The following ANKDD1B variants were observed in gnomAD, a reference collection of about 807,000 sequenced individuals.
The protein encoded by ANKDD1B is ankyrin repeat and death domain-containing protein 1B.
ANKDD1B carries 57 observed loss-of-function variants against 59.7 expected under a neutral mutation model. The observed-to-expected ratio is 0.95, with a 90% CI of 0.77 to 1.19. The LOEUF is 1.19. ANKDD1B is among the 50% of genes most tolerant of loss of function. The probability of loss-of-function intolerance (pLI) is 0.00; values close to 1 mark genes in which losing one functional copy is unlikely to be tolerated. For missense variants in ANKDD1B, 602 were observed against 641.9 expected (o/e 0.94, Z 0.67); for synonymous variants, 216 against 239.5 (o/e 0.90, Z 0.91).
chr5:75,667,686 A>G (rs1579983435), intron 12 of ANKDD1B, among the ~76,000 whole-genome samples: 1 of 152,234 alleles, frequency 6.6e-6, no homozygotes, highest in Non-Finnish European at 1.5e-5. Context: ...TAGAAAGTTT[A>G]CTTGGCATTA....
intron 1 of ANKDD1B, among the ~76,000 whole-genome samples, chr5:75,612,226 G>T (rs1773581257): frequency 6.6e-6 from 1 of 151,596 alleles, no homozygotes; most frequent in African/African-American, 2.4e-5. Context: ...AAAGCATGGA[G>T]TGGATCATCT....
chr5:75,661,414 A>AAAAAAAAAGAAAG (rs1561450240), intron 10 of ANKDD1B, among the ~76,000 whole-genome samples: 11 of 131,476 alleles, frequency 8.4e-5, no homozygotes, highest in African/African-American at 3.1e-4. Flanking sequence ...AAAAAAAAAA[A>AAAAAAAAAGAAAG]AAAAAAAAAA....
intron 3 of ANKDD1B, among the ~76,000 whole-genome samples, chr5:75,623,450 G>C (rs767674356): frequency 1.3e-5 from 2 of 152,104 alleles, no homozygotes; most frequent in Non-Finnish European, 2.9e-5. Context: ...AGGTGGAATT[G>C]TGTTTAGGGA....
At chr5:75,614,566 G>A (rs1394691294) in intron 1 of ANKDD1B, among the ~76,000 whole-genome samples, 1 of 152,170 alleles carries the variant, frequency 6.6e-6, no homozygotes, top group African/African-American at 2.4e-5. Flanking sequence ...CCACCATCTT[G>A]TAACCCCTTC....
intron 8 of ANKDD1B, 36 bp downstream of exon 8, chr5:75,653,276 G>A (rs1774877515): frequency 6.8e-7 from 1 of 1,465,948 alleles, no homozygotes; most frequent in Non-Finnish European, 9.2e-7. Context: ...TTTGGTCCTG[G>A]CGCCGTGAGG....
intron 5 of ANKDD1B, chr5:75,634,634 C>A (rs1774251074): frequency 1.6e-5 from 5 of 317,046 alleles, no homozygotes; most frequent in Non-Finnish European, 3.0e-5. Flanking sequence ...TGTTGCACCT[C>A]TCCTGATGCT....
At chr5:75,658,953 C>T (rs1458153568) in intron 9 of ANKDD1B, among the ~76,000 whole-genome samples, 1 of 152,178 alleles carries the variant, frequency 6.6e-6, no homozygotes, top group Non-Finnish European at 1.5e-5. Flanking sequence ...TTCCCTCCTC[C>T]AGCTCCTGGG....
At chr5:75,631,537 T>C (rs950009028) in intron 5 of ANKDD1B, among the ~76,000 whole-genome samples, 1 of 152,164 alleles carries the variant, frequency 6.6e-6, no homozygotes, top group Non-Finnish European at 1.5e-5. Flanking sequence ...CCTAAGGAGT[T>C]ATTCAGGAGA....
chr5:75,612,540 A>T (rs1773598810), intron 1 of ANKDD1B, among the ~76,000 whole-genome samples: 1 of 151,868 alleles, frequency 6.6e-6, no homozygotes, highest in South Asian at 2.1e-4. Context: ...TGGAAGCTAT[A>T]CACCAATTCA....
chr5:75,652,550 T>A (rs1287799771), intron 7 of ANKDD1B, among the ~76,000 whole-genome samples: 2 of 152,114 alleles, frequency 1.3e-5, no homozygotes. Flanking sequence ...CAAACCATCC[T>A]CCCACCTCAG....
intron 1 of ANKDD1B, among the ~76,000 whole-genome samples, chr5:75,615,315 G>A (rs1313752476): frequency 1.3e-5 from 2 of 152,196 alleles, no homozygotes; most frequent in African/African-American, 4.8e-5. Flanking sequence ...GCTAAGGTCA[G>A]ATCTGGGGAA....
intron 7 of ANKDD1B, among the ~76,000 whole-genome samples, chr5:75,636,564 C>A (rs1774309905): frequency 1.3e-5 from 2 of 152,076 alleles, no homozygotes; most frequent in African/African-American, 4.8e-5. Flanking sequence ...GGGTTTTAAG[C>A]AGTGAAAAGG....
chr5:75,663,720 C>A (rs1245783830), intron 11 of ANKDD1B, among the ~76,000 whole-genome samples: 1 of 152,254 alleles, frequency 6.6e-6, no homozygotes, highest in Non-Finnish European at 1.5e-5. Flanking sequence ...TTCACTAGGG[C>A]CAAGCGGCAT....
chr5:75,667,922 T>C (rs573860790), intron 12 of ANKDD1B, among the ~76,000 whole-genome samples: 1 of 152,306 alleles, frequency 6.6e-6, no homozygotes, highest in South Asian at 2.1e-4. Flanking sequence ...TATTGCACAT[T>C]CTTAGGATAC....
At chr5:75,632,588 C>A (rs1319155739) in intron 5 of ANKDD1B, among the ~76,000 whole-genome samples, 1 of 152,208 alleles carries the variant, frequency 6.6e-6, no homozygotes, top group East Asian at 1.9e-4. Flanking sequence ...AACAGCTCCA[C>A]AAAATGAGCC....
Position 75,635,862 on chromosome 5 carries a change from G to C in ANKDD1B, c.778G>C (p.Asp260His), listed in dbSNP as rs1372485663. 8 of 1,532,126 alleles carry C rather than the reference G, an allele frequency of 5.2e-6. No homozygotes were observed. The highest frequency in any genetic ancestry group is 1.7e-6 in the Non-Finnish European group (2 of 1,143,944). The allele number at this position is 1,532,126 out of a possible 1,614,324, so 94.9% of individuals were successfully genotyped here. A position where few individuals can be genotyped will look rare whatever the true frequency, so the allele number is the denominator to read the frequency against. ...AVQVLLAQWQ[D>H]INEMNELNIS... ...GCAGGTGCTGCTAGCCCAGTGGCAA[G>C]ACATAAATGAGATGAATGAGGTATG... Residue 260 changes from aspartate to histidine, a missense_variant, in exon 7 of 14, where the codon GAC becomes CAC. This residue lies in a region of ANKDD1B where 5 missense variants were observed against 17.5 expected (regional missense o/e 0.29). Transcript: ENST00000601380.
At chr5:75,637,484 G>C (rs1392838817) in intron 7 of ANKDD1B, among the ~76,000 whole-genome samples, 1 of 151,986 alleles carries the variant, frequency 6.6e-6, no homozygotes, top group Non-Finnish European at 1.5e-5. Flanking sequence ...TGCCTCTCCT[G>C]AGAGCTACGG....
At chr5:75,665,734 C>A (rs928624282) in intron 11 of ANKDD1B, among the ~76,000 whole-genome samples, 10 of 152,224 alleles carry the variant, frequency 6.6e-5, no homozygotes, top group African/African-American at 2.4e-4. Flanking sequence ...CCTTGTCGAG[C>A]TTCCTGGAGG....
Position 75,616,893 on chromosome 5 carries a change from A to C in ANKDD1B, c.283A>C (p.Asn95His). ...EKLFEKKVNI[N>H]VVNNMNRTAL... ...GCTGTTTGAAAAGAAGGTTAACATT[A>C]ATGTTGTGAACAATGTGAGTAGAAG... The change falls in exon 2 of 14, where the codon AAT becomes CAT. Residue 95 changes from asparagine (N) to histidine (H), a missense_variant. Coordinates refer to ENST00000601380, the MANE Select transcript of ANKDD1B (RefSeq NM_001276713.2). 1 of 1,509,576 alleles carries C rather than the reference A, an allele frequency of 6.6e-7. No homozygotes were observed. Among genetic ancestry groups the C allele is most frequent in the Non-Finnish European group, 8.9e-7 (1 of 1,123,288 alleles). 93.5% of individuals were successfully genotyped at this position (1,509,576 alleles called of 1,614,324 possible).
Sources: gnomAD v4.1 joint callset for allele counts (sites outside exome capture counted in the v4.1 genomes callset) on GRCh38, gnomAD v4.1.1 for gene constraint, gnomAD v4.1.1 regional missense constraint, MANE v1.5 for transcripts, NCBI Gene and HGNC (gene_info 2026-07-23, HGNC 2026-07-21) for gene names.